The following DPP6 variants were observed in gnomAD, a reference collection of about 807,000 sequenced individuals.
DPP6 encodes dipeptidyl peptidase like 6, also known as A-type potassium channel modulatory protein DPP6.
DPP6 carries 69 observed loss-of-function variants against 122.6 expected under a neutral mutation model. That is an observed-to-expected ratio of 0.56 (90% CI 0.46 to 0.69). The LOEUF is 0.69. Ranked by LOEUF, DPP6 falls within the 30% of genes least tolerant of loss-of-function variation. The pLI is 0.00. For synonymous variants in DPP6, 418 were observed against 433.1 expected, an observed-to-expected ratio of 0.97 and a Z score of 0.43; for missense variants, 928 against 1,116.9, an observed-to-expected ratio of 0.83 and a Z score of 2.41.
At chr7:153,755,148 A>G in the DPP6 span, among the ~76,000 whole-genome samples, 1 of 151,506 alleles carries the variant, frequency 6.6e-6, no homozygotes, top group Admixed American at 6.6e-5. Context: ...TTCTCTGATG[A>G]TTTGTTTTTC....
At chr7:153,754,890 C>G in the DPP6 span, among the ~76,000 whole-genome samples, 4,413 of 150,808 alleles carry the variant, frequency 0.029, 181 homozygotes, top group African/African-American at 0.096. Context: ...CTATTTTCTG[C>G]TTGGATTGTT....
At chr7:154,674,845 T>G (rs1425814475) in intron 7 of DPP6, among the ~76,000 whole-genome samples, 3 of 152,088 alleles carry the variant, frequency 2.0e-5, no homozygotes, top group African/African-American at 7.2e-5. Flanking sequence ...AACTAAGGAA[T>G]TCTCACAGCC....
At position 154,372,697 on chromosome 7, in the gene DPP6, A is replaced by G. The variant is rs538745919; in HGVS notation, c.244-73517A>G. ...ACAGAAGCCAAAAGAGACAGCTAAA[A>G]CTTTTCATTGGAAGCAATTAAAATA... On this transcript the variant is annotated intron_variant, in intron 1 of 25. Transcript: ENST00000377770. Among the ~76,000 whole-genome samples the G allele has an allele frequency of 3.2e-4, 49 of 152,322 alleles. No homozygotes were observed. The South Asian group carries it at 6.2e-3, about 19-fold the overall frequency.
At chr7:154,150,514 G>A (rs1796357564) in intron 1 of DPP6, among the ~76,000 whole-genome samples, 1 of 152,234 alleles carries the variant, frequency 6.6e-6, no homozygotes, top group South Asian at 2.1e-4. Context: ...CCCTAGGAAA[G>A]AAAGGCCCAA....
At chr7:154,749,616 T>A (rs795111) in intron 8 of DPP6, among the ~76,000 whole-genome samples, 27 of 107,736 alleles carry the variant, frequency 2.5e-4, no homozygotes, top group South Asian at 7.2e-4. Flanking sequence ...GGCTTTACTG[T>A]GAGAGTGTGA....
At chr7:153,923,449 A>G (rs923371437) in intron 1 of DPP6, among the ~76,000 whole-genome samples, 2 of 152,110 alleles carry the variant, frequency 1.3e-5, no homozygotes, top group African/African-American at 4.8e-5. Flanking sequence ...CCAAGGAGGC[A>G]GTGTTCATGA....
the DPP6 span, among the ~76,000 whole-genome samples, chr7:153,785,917 C>T: frequency 2.0e-5 from 3 of 148,596 alleles, no homozygotes; most frequent in Non-Finnish European, 4.5e-5. Flanking sequence ...TATCTTCAGT[C>T]GAATAGTAGA....
At chr7:153,851,620 A>G in the DPP6 span, among the ~76,000 whole-genome samples, 1 of 152,210 alleles carries the variant, frequency 6.6e-6, no homozygotes, top group East Asian at 1.9e-4. Flanking sequence ...TTTGTTTTAT[A>G]TTACTTATAT....
chr7:154,773,998 C>T (rs1449674589), intron 10 of DPP6, among the ~76,000 whole-genome samples: 1 of 152,146 alleles, frequency 6.6e-6, no homozygotes, highest in Non-Finnish European at 1.5e-5. Context: ...GATTCCTTCC[C>T]CTCATCTTTC....
At chr7:153,872,880 C>T in the DPP6 span, among the ~76,000 whole-genome samples, 19 of 152,214 alleles carry the variant, frequency 1.2e-4, no homozygotes, top group Non-Finnish European at 2.8e-4. Context: ...TATAGAATAA[C>T]CAACTACAAT....
chr7:154,558,461 A>G (rs1450141152), intron 4 of DPP6, among the ~76,000 whole-genome samples: 1 of 152,258 alleles, frequency 6.6e-6, no homozygotes, highest in Non-Finnish European at 1.5e-5. Flanking sequence ...ATGAGGTTCA[A>G]TTAGCACTCA....
At chr7:153,958,969 G>A (rs1219394648) in intron 1 of DPP6, among the ~76,000 whole-genome samples, 1 of 152,006 alleles carries the variant, frequency 6.6e-6, no homozygotes, top group African/African-American at 2.4e-5. Context: ...TACCTGCTTG[G>A]CAGAGCACGC....
intron 17 of DPP6, among the ~76,000 whole-genome samples, chr7:154,864,483 G>A (rs1394596872): frequency 6.6e-6 from 1 of 152,212 alleles, no homozygotes; most frequent in Non-Finnish European, 1.5e-5. Flanking sequence ...TAATTAAAGA[G>A]TGGCCATTTG....
intron 8 of DPP6, among the ~76,000 whole-genome samples, chr7:154,759,168 G>T (rs981175548): frequency 3.3e-5 from 5 of 152,128 alleles, no homozygotes; most frequent in Non-Finnish European, 7.3e-5. Flanking sequence ...CCACCACCCC[G>T]CAGGGATGCT....
chr7:154,714,703 G>T (rs935856333), intron 7 of DPP6, among the ~76,000 whole-genome samples: 3 of 152,146 alleles, frequency 2.0e-5, no homozygotes, highest in African/African-American at 4.8e-5. Flanking sequence ...GATGAGATTT[G>T]GGTGGAGACA....
In DPP6 at chr7:154,403,679, A is replaced by T. The variant is rs1220088845; in HGVS notation, c.244-42535A>T. ...TGAAGAGTGGGCCAGAGTGCCAGGG[A>T]GGCAGCAATCTGCAGGTTGCGTTCA... is the stretch of plus-strand genomic sequence containing the variant. On this transcript the variant is annotated intron_variant, in intron 1 of 25. Transcript: ENST00000377770. The surrounding 1 kb of genome is among the most constrained non-coding windows in gnomAD (Gnocchi z 4.1). Among the ~76,000 whole-genome samples, 2 of 152,220 alleles carry T rather than the reference A, an allele frequency of 1.3e-5. No homozygotes were observed. Among genetic ancestry groups the T allele is most frequent in the Non-Finnish European group, 2.9e-5 (2 of 68,026 alleles).
At chr7:154,321,523 C>T (rs1423166431) in intron 1 of DPP6, among the ~76,000 whole-genome samples, 41 of 151,978 alleles carry the variant, frequency 2.7e-4, no homozygotes, top group Admixed American at 2.7e-3. Flanking sequence ...TCGCTCACGT[C>T]TGTAATCCCA....
intron 1 of DPP6, among the ~76,000 whole-genome samples, chr7:154,385,655 A>G (rs532499364): frequency 2.0e-5 from 3 of 152,304 alleles, no homozygotes; most frequent in East Asian, 3.9e-4. Flanking sequence ...ACTTCCAGCA[A>G]TGTACCTGCC....
chr7:154,633,082 A>G (rs986741734), intron 5 of DPP6, among the ~76,000 whole-genome samples: 2 of 152,208 alleles, frequency 1.3e-5, no homozygotes, highest in Non-Finnish European at 2.9e-5. Context: ...ATGTAATGCT[A>G]TAGGATGAGA....
Sources: allele counts gnomAD v4.1 joint callset (sites outside exome capture counted in the v4.1 genomes callset), GRCh38; gene constraint gnomAD v4.1.1; non-coding constraint Gnocchi (gnomAD v3.1); transcripts MANE v1.5; gene names NCBI Gene and HGNC (gene_info 2026-07-23, HGNC 2026-07-21).